MKLN1: variants seen among roughly 807,000 people sequenced by gnomAD.
The protein encoded by MKLN1 is muskelin.
Under a neutral mutation model 99.0 loss-of-function variants are expected in MKLN1, and 18 were observed. That is an observed-to-expected ratio of 0.18 (90% CI 0.13 to 0.27). MKLN1 has a LOEUF of 0.27. MKLN1 is among the 10% of genes least tolerant of loss of function. MKLN1 has a pLI of 1.00. For synonymous variants in MKLN1, 288 were observed against 293.2 expected (o/e 0.98, Z 0.18); for missense variants, 621 against 875.9 (o/e 0.71, Z 3.67).
chr7:131,271,471 G>A lies in MKLN1; in HGVS notation c.-179+68497G>A, dbSNP rs546257832. 3.9e-5 allele frequency among the ~76,000 whole-genome samples: 6 copies of A among 152,180 alleles called. No homozygotes were observed. The East Asian group carries it at 1.2e-3, about 29-fold the overall frequency. On this transcript the variant is annotated intron_variant, in intron 3 of 7. Coordinates refer to the MKLN1 transcript ENST00000416992. ...GTCTCTACTAAAAATACAAAAATTAGCTGGGCATGGTGGCAGGCACCTGTA... is the reference window on the plus strand; with the variant it reads ...GTCTCTACTAAAAATACAAAAATTAACTGGGCATGGTGGCAGGCACCTGTA...
upstream of MKLN1, chr7:131,327,793 C>G: frequency 6.9e-7 from 1 of 1,450,908 alleles, no homozygotes; most frequent in Non-Finnish European, 9.0e-7. Context: ...GGGCGGGGAG[C>G]GCGGGCGGCC....
intron 1 of MKLN1, among the ~76,000 whole-genome samples, chr7:131,120,305 C>T (rs1192276776): frequency 4.0e-5 from 6 of 151,648 alleles, no homozygotes; most frequent in African/African-American, 9.7e-5. Flanking sequence ...GCGGGTGGAT[C>T]ACGAGGTCAG....
At chr7:131,345,546 T>C (rs1235429156) in intron 1 of MKLN1, among the ~76,000 whole-genome samples, 1 of 152,122 alleles carries the variant, frequency 6.6e-6, no homozygotes, top group Non-Finnish European at 1.5e-5. Flanking sequence ...GCGAGACCTC[T>C]TCTCTACAAA....
chr7:131,399,215 T>A (rs1290117067), intron 5 of MKLN1, 26 bp from the exon 6 acceptor site: 32 of 1,600,290 alleles, frequency 2.0e-5, no homozygotes, highest in Non-Finnish European at 2.7e-5. Flanking sequence ...ATCTCTTCTT[T>A]CCATACTTAC....
At chr7:131,342,335 A>C (rs1799432546) in intron 1 of MKLN1, among the ~76,000 whole-genome samples, 1 of 152,164 alleles carries the variant, frequency 6.6e-6, no homozygotes, top group Non-Finnish European at 1.5e-5. Context: ...ATTTTTCTTG[A>C]GAATACATGA....
At chr7:131,218,994 T>C (rs1440558647) in intron 3 of MKLN1, among the ~76,000 whole-genome samples, 1 of 152,122 alleles carries the variant, frequency 6.6e-6, no homozygotes, top group East Asian at 1.9e-4. Flanking sequence ...ATGTGAAGTA[T>C]CTAGAATGGT....
chr7:131,189,699 G>T (rs1050721990), intron 2 of MKLN1, among the ~76,000 whole-genome samples: 1 of 152,194 alleles, frequency 6.6e-6, no homozygotes, highest in Admixed American at 6.5e-5. Flanking sequence ...TACTTCTGTA[G>T]TAATAGCAGT....
intron 1 of MKLN1, among the ~76,000 whole-genome samples, chr7:131,114,780 T>C (rs1221743448): frequency 6.6e-6 from 1 of 151,982 alleles, no homozygotes; most frequent in Non-Finnish European, 1.5e-5. Flanking sequence ...ACCCCATCTC[T>C]ACTAAAATTA....
At chr7:131,224,285 C>A (rs1047556471) in intron 3 of MKLN1, among the ~76,000 whole-genome samples, 1 of 152,210 alleles carries the variant, frequency 6.6e-6, no homozygotes, top group Non-Finnish European at 1.5e-5. Context: ...GTAGCTCACA[C>A]CTGTAATCCC....
intron 12 of MKLN1, among the ~76,000 whole-genome samples, chr7:131,457,637 C>T (rs948983617): frequency 3.3e-5 from 5 of 152,082 alleles, no homozygotes; most frequent in Admixed American, 6.6e-5. Context: ...AATTTAAGCC[C>T]GGGCACGGGG....
At chr7:131,110,544 A>G (rs1795177284) in intron 1 of MKLN1, among the ~76,000 whole-genome samples, 1 of 152,168 alleles carries the variant, frequency 6.6e-6, no homozygotes, top group Non-Finnish European at 1.5e-5. Context: ...CCCACATCAT[A>G]TTCCCAGAGC....
chr7:131,388,590 A>T (rs1794102326), intron 3 of MKLN1, among the ~76,000 whole-genome samples: 1 of 152,222 alleles, frequency 6.6e-6, no homozygotes, highest in Non-Finnish European at 1.5e-5. Context: ...TCAGTTATCC[A>T]TTCAGGACAC....
chr7:131,404,906 C>A (rs1794655584), intron 6 of MKLN1, among the ~76,000 whole-genome samples: 2 of 148,900 alleles, frequency 1.3e-5, no homozygotes, highest in South Asian at 4.2e-4. Flanking sequence ...CGAATTACTT[C>A]TTTATTTTAT....
At chr7:131,227,539 C>CTT (rs1563259405) in intron 3 of MKLN1, among the ~76,000 whole-genome samples, 10 of 17,360 alleles carry the variant, frequency 5.8e-4, no homozygotes, top group African/African-American at 7.9e-4. Flanking sequence ...CTTTCTTTCT[C>CTT]TCTTTCTTTT....
rs968971233 is a variant in MKLN1 at position 131,488,320 on chromosome 7, CAGT to C, written c.*595_*597del. On this transcript the variant is annotated 3_prime_UTR_variant, in exon 18 of 18. Coordinates refer to ENST00000352689, the MANE Select transcript of MKLN1 (RefSeq NM_013255.5). ...TTGACTTGTCTTGTGTTACATTAAA[CAGT>C]AGGCAGAACTGAGGTCTCAAGTTTG... 20 of 152,200 alleles carry C rather than the reference CAGT, an allele frequency of 1.3e-4. No homozygotes were observed. The highest frequency in any genetic ancestry group is 3.4e-4 in the African/African-American group (14 of 41,508). 9.4% of individuals were successfully genotyped at this position (152,200 alleles called of 1,614,324 possible). A position where few individuals can be genotyped will look rare whatever the true frequency, so the allele number is the denominator to read the frequency against.
At chr7:131,340,207 C>T (rs532240774) in intron 1 of MKLN1, among the ~76,000 whole-genome samples, 2 of 152,044 alleles carry the variant, frequency 1.3e-5, no homozygotes, top group Non-Finnish European at 2.9e-5. Flanking sequence ...GCACCCATTC[C>T]CCTGGCCTTT....
Position 131,387,775 on chromosome 7 carries a change from A to G in MKLN1, c.311+513A>G, listed in dbSNP as rs183163085. ...GAGCTCAGTAAATTTGAGTTTTAATAATATTTGACCACCGGGAATGAAGGT... is the reference window on the plus strand; with the variant it reads ...GAGCTCAGTAAATTTGAGTTTTAATGATATTTGACCACCGGGAATGAAGGT... On this transcript the variant is annotated intron_variant, in intron 3 of 17. Coordinates refer to ENST00000352689, the MANE Select transcript of MKLN1 (RefSeq NM_013255.5). 6.6e-4 allele frequency among the ~76,000 whole-genome samples: 101 copies of G among 152,322 alleles called. 1 individual carries two copies. The highest frequency in any genetic ancestry group is 2.2e-3 in the Admixed American group (33 of 15,302).
intron 3 of MKLN1, among the ~76,000 whole-genome samples, chr7:131,214,719 G>A (rs1036044025): frequency 3.3e-5 from 5 of 152,102 alleles, no homozygotes; most frequent in Non-Finnish European, 5.9e-5. Context: ...TTTCTACATG[G>A]ACTTTGTAAT....
intron 8 of MKLN1, among the ~76,000 whole-genome samples, chr7:131,417,334 A>G (rs1305354484): frequency 6.6e-6 from 1 of 152,194 alleles, no homozygotes; most frequent in African/African-American, 2.4e-5. Flanking sequence ...GCCATTTTGT[A>G]CCTATTTGGA....
Sources: gnomAD v4.1 joint callset for allele counts (sites outside exome capture counted in the v4.1 genomes callset) on GRCh38, gnomAD v4.1.1 for gene constraint, MANE v1.5 for transcripts, NCBI Gene and HGNC (gene_info 2026-07-23, HGNC 2026-07-21) for gene names.